The following BMAL2 variants were observed in gnomAD, a reference collection of about 807,000 sequenced individuals.
BMAL2 encodes basic helix-loop-helix ARNT-like protein 2.
chr12:27,370,966 T>C, the BMAL2 span, among the ~76,000 whole-genome samples: 1 of 152,176 alleles, frequency 6.6e-6, no homozygotes, highest in Non-Finnish European at 1.5e-5. Flanking sequence ...TAAACATTTA[T>C]TGGGTTGCTA....
the BMAL2 span, among the ~76,000 whole-genome samples, chr12:27,366,899 A>G: frequency 6.6e-6 from 1 of 152,208 alleles, no homozygotes; most frequent in South Asian, 2.1e-4. Flanking sequence ...TAAAACTGGA[A>G]AGTTATTATG....
chr12:27,373,597 G>A, the BMAL2 span, among the ~76,000 whole-genome samples: 2 of 152,152 alleles, frequency 1.3e-5, no homozygotes, highest in Non-Finnish European at 1.5e-5. Context: ...ATGAGGGGAA[G>A]CCTGCCCAGA....
the BMAL2 span, among the ~76,000 whole-genome samples, chr12:27,408,944 A>C: frequency 2.5e-4 from 38 of 152,204 alleles, no homozygotes; most frequent in East Asian, 2.7e-3. Flanking sequence ...TTCTTATACA[A>C]CAATAACAGA....
At chr12:27,339,403 T>C in the BMAL2 span, among the ~76,000 whole-genome samples, 1 of 152,216 alleles carries the variant, frequency 6.6e-6, no homozygotes, top group African/African-American at 2.4e-5. Flanking sequence ...CTGTTGTGAA[T>C]AGTGCTGCAA....
At chr12:27,367,733 G>T in the BMAL2 span, among the ~76,000 whole-genome samples, 1 of 151,152 alleles carries the variant, frequency 6.6e-6, no homozygotes, top group East Asian at 1.9e-4. Context: ...GTGTTATGTT[G>T]GTTTTGGCTG....
chr12:27,371,715 TAC>T, the BMAL2 span, among the ~76,000 whole-genome samples: 15 of 103,868 alleles, frequency 1.4e-4, no homozygotes, highest in Admixed American at 5.2e-4. Context: ...GGTAAATACA[TAC>T]ACACACACAC....
At chr12:27,407,581 T>C in the BMAL2 span, among the ~76,000 whole-genome samples, 4 of 151,890 alleles carry the variant, frequency 2.6e-5, no homozygotes, top group Non-Finnish European at 4.4e-5. Context: ...ATCTCTGGGA[T>C]GCATTCAAAG....
the BMAL2 span, among the ~76,000 whole-genome samples, chr12:27,396,236 T>G: frequency 6.6e-6 from 1 of 152,170 alleles, no homozygotes; most frequent in Non-Finnish European, 1.5e-5. Flanking sequence ...CCGTGGCTCA[T>G]GCAGTGCTTG....
At chr12:27,346,744 C>G in the BMAL2 span, among the ~76,000 whole-genome samples, 4 of 152,144 alleles carry the variant, frequency 2.6e-5, no homozygotes, top group Non-Finnish European at 5.9e-5. Flanking sequence ...AATTCAAAAC[C>G]ATAGGTGTGT....
At chr12:27,412,200 C>T in the BMAL2 span, among the ~76,000 whole-genome samples, 1 of 152,132 alleles carries the variant, frequency 6.6e-6, no homozygotes, top group Non-Finnish European at 1.5e-5. Flanking sequence ...GGAAATGGAG[C>T]TAAACATTGA....
chr12:27,412,541 G>A, the BMAL2 span, among the ~76,000 whole-genome samples: 3 of 152,056 alleles, frequency 2.0e-5, no homozygotes, highest in East Asian at 1.9e-4. Context: ...ACATGAACAG[G>A]GGTGATATCA....
At chr12:27,387,368 C>A in the BMAL2 span, 1 of 1,296,912 alleles carries the variant, frequency 7.7e-7, no homozygotes, top group Non-Finnish European at 1.1e-6. Flanking sequence ...ATTTTTTGAA[C>A]AAACACATAT....
the BMAL2 span, among the ~76,000 whole-genome samples, chr12:27,356,687 C>A: frequency 6.6e-6 from 1 of 152,118 alleles, no homozygotes; most frequent in East Asian, 1.9e-4. Flanking sequence ...TTGCAAATGG[C>A]ATTATTTTTG....
the BMAL2 span, among the ~76,000 whole-genome samples, chr12:27,408,855 A>C: frequency 6.6e-6 from 1 of 152,220 alleles, no homozygotes; most frequent in Non-Finnish European, 1.5e-5. Flanking sequence ...CCATTGTCTC[A>C]GCCCAAAATC....
the BMAL2 span, among the ~76,000 whole-genome samples, chr12:27,342,369 T>C: frequency 9.9e-5 from 15 of 152,252 alleles, no homozygotes; most frequent in African/African-American, 2.9e-4. Flanking sequence ...GAATATGTTA[T>C]TGTGCCAATA....
chr12:27,395,530 C>G, the BMAL2 span, among the ~76,000 whole-genome samples: 1 of 151,670 alleles, frequency 6.6e-6, no homozygotes, highest in East Asian at 1.9e-4. Flanking sequence ...AATTTTCAAG[C>G]AAAAATGCAT....
chr12:27,353,578 G>A, the BMAL2 span, among the ~76,000 whole-genome samples: 1 of 151,882 alleles, frequency 6.6e-6, no homozygotes, highest in Non-Finnish European at 1.5e-5. Flanking sequence ...AGATAAGTGG[G>A]ACCTAATTAA....
At chr12:27,393,439 T>C in the BMAL2 span, among the ~76,000 whole-genome samples, 5 of 152,226 alleles carry the variant, frequency 3.3e-5, no homozygotes, top group Non-Finnish European at 4.4e-5. Context: ...GTGTGGCTGA[T>C]GCTGTTAATC....
At chr12:27,391,127 G>A in the BMAL2 span, among the ~76,000 whole-genome samples, 1 of 151,980 alleles carries the variant, frequency 6.6e-6, no homozygotes. Context: ...TGTTTCATGG[G>A]TATATTGCAC....
Sources: gnomAD v4.1 joint callset for allele counts (sites outside exome capture counted in the v4.1 genomes callset) on GRCh38, gnomAD v4.1.1 for gene constraint, MANE v1.5 for transcripts, NCBI Gene and HGNC (gene_info 2026-07-23, HGNC 2026-07-21) for gene names.